The following GALNT18 variants were observed in gnomAD, a reference collection of about 807,000 sequenced individuals.
The protein encoded by GALNT18 is GalNAc-transferase 18.
GALNT18 carries 44 observed loss-of-function variants against 69.5 expected under a neutral mutation model. The ratio of observed to expected loss-of-function variants is 0.63; its 90% CI spans 0.50 to 0.81. The LOEUF (loss-of-function observed/expected upper bound fraction) is 0.81, where lower values mean the gene tolerates loss of function less well. GALNT18 is among the 40% of genes least tolerant of loss of function. The pLI is 0.00. For missense variants in GALNT18, 715 were observed against 810.0 expected (o/e 0.88, Z 1.42); for synonymous variants, 364 against 318.2 (o/e 1.14, Z -1.53).
Position 11,619,861 on chromosome 11 carries a change from TGAA to T in GALNT18, c.235+1495_235+1497del, listed in dbSNP as rs1860143843. 1.3e-5 allele frequency among the ~76,000 whole-genome samples: 2 copies of T among 152,206 alleles called. No individual in the cohort carries two copies. The highest frequency in any genetic ancestry group is 2.4e-5 in the African/African-American group (1 of 41,456). Reference sequence around the variant, plus strand: ...CCAGGTTGAGAGGCAGAGGCAGGTCTGAAGAAGAAGCTGTCAATGTCCCTCTTT... The same window carrying T: ...CCAGGTTGAGAGGCAGAGGCAGGTCTGAAGAAGCTGTCAATGTCCCTCTTT... On this transcript the variant is annotated intron_variant, in intron 1 of 10. Coordinates refer to ENST00000227756, the MANE Select transcript of GALNT18 (RefSeq NM_198516.3). The surrounding 1 kb of genome is among the most constrained non-coding windows in gnomAD (Gnocchi z 4.9).
intron 1 of GALNT18, among the ~76,000 whole-genome samples, chr11:11,466,685 T>C (rs1054800858): frequency 3.3e-5 from 5 of 152,202 alleles, no homozygotes; most frequent in African/African-American, 9.7e-5. Context: ...CTTTGAACCA[T>C]GAAAGCTAAT....
Position 11,395,715 on chromosome 11 carries a change from G to A in GALNT18, c.596-16451C>T, listed in dbSNP as rs563096153. Among the ~76,000 whole-genome samples, 11 of 152,182 alleles carry A rather than the reference G, an allele frequency of 7.2e-5. No homozygotes were observed. The East Asian group carries it at 1.7e-3, about 24-fold the overall frequency. On this transcript the variant is annotated intron_variant, in intron 3 of 10. Transcript: ENST00000227756. ...GCAAAGAAAAGAGAGAAGGAAGGAGGCCCATTGGGAGAAAGACCAGCAGGA... is the reference window on the plus strand; with the variant it reads ...GCAAAGAAAAGAGAGAAGGAAGGAGACCCATTGGGAGAAAGACCAGCAGGA...
Position 11,621,614 on chromosome 11 carries a change from T to G in GALNT18, c.-21A>C. 6.5e-7 allele frequency: 1 copy of G among 1,540,910 alleles called. No individual in the cohort carries two copies. Among genetic ancestry groups the G allele is most frequent in the Admixed American group, 1.9e-5 (1 of 51,890 alleles). ...ACCATTCTGGGCTCCTTCCTCCATA[T>G]AGAGCTCCCGGGGGCCCTTCCTTGT... On this transcript the variant is annotated 5_prime_UTR_variant, in exon 1 of 11. Coordinates refer to ENST00000227756, the MANE Select transcript of GALNT18 (RefSeq NM_198516.3). The surrounding 1 kb of genome is among the most constrained non-coding windows in gnomAD (Gnocchi z 9.3).
chr11:11,494,060 T>C lies in GALNT18; in HGVS notation c.236-45124A>G, dbSNP rs1856825617. Among the ~76,000 whole-genome samples the C allele has an allele frequency of 6.6e-6, 1 of 152,152 alleles. No individual in the cohort carries two copies. The highest frequency in any genetic ancestry group is 2.4e-5 in the African/African-American group (1 of 41,422). ...ATGGGATTGTAAAAGTAGCTCAGAG[T>C]GCTGCTGCAAGGATTTAGTGAAGCC... On this transcript the variant is annotated intron_variant, in intron 1 of 10. Transcript: ENST00000227756. This position sits in a 1 kb window ranked among gnomAD's most constrained non-coding sequence, Gnocchi z 5.7.
chr11:11,550,355 TC>T (rs1469095501), intron 1 of GALNT18, among the ~76,000 whole-genome samples: 1 of 152,134 alleles, frequency 6.6e-6, no homozygotes, highest in Non-Finnish European at 1.5e-5. Flanking sequence ...CTCAAGGCAG[TC>T]CCATTCCCAC....
chr11:11,321,335 G>A (rs1590035944), intron 9 of GALNT18, among the ~76,000 whole-genome samples: 1 of 152,186 alleles, frequency 6.6e-6, no homozygotes, highest in Non-Finnish European at 1.5e-5. Context: ...CTGGAATGAT[G>A]GGTTTGAACT....
At chr11:11,537,779 C>G (rs1330411521) in intron 1 of GALNT18, among the ~76,000 whole-genome samples, 1 of 152,142 alleles carries the variant, frequency 6.6e-6, no homozygotes, top group African/African-American at 2.4e-5. Flanking sequence ...GGAGCATAAC[C>G]CAAAACCCTG....
intron 1 of GALNT18, among the ~76,000 whole-genome samples, chr11:11,571,469 C>G (rs1858792216): frequency 6.6e-6 from 1 of 152,180 alleles, no homozygotes; most frequent in Non-Finnish European, 1.5e-5. Flanking sequence ...CAGAAGCCCC[C>G]CAAGGCTCTA....
At position 11,413,148 on chromosome 11, in the gene GALNT18, A is replaced by G. The variant is rs1229237870; in HGVS notation, c.595+19473T>C. 6.6e-6 allele frequency among the ~76,000 whole-genome samples: 1 copy of G among 152,204 alleles called. No homozygotes were observed. The highest frequency in any genetic ancestry group is 2.4e-5 in the African/African-American group (1 of 41,464). ...TTCCTGAATAAACTGCATGCAGTTG[A>G]ATCTGTGTCTCAGAGTCTGCTTCTG... is the stretch of plus-strand genomic sequence containing the variant. On this transcript the variant is annotated intron_variant, in intron 3 of 10. Transcript: ENST00000227756. This position sits in a 1 kb window ranked among gnomAD's most constrained non-coding sequence, Gnocchi z 4.7.
rs559593468 is a variant in GALNT18, at chr11:11,601,981, G to A, written c.235+19378C>T. ...ACTCTGTTTGTTTTGTTGCTATTATGGAGCTACTAACCTCCTCTTAAATGC... is the reference window on the plus strand; with the variant it reads ...ACTCTGTTTGTTTTGTTGCTATTATAGAGCTACTAACCTCCTCTTAAATGC... On this transcript the variant is annotated intron_variant, in intron 1 of 10. Coordinates refer to ENST00000227756, the MANE Select transcript of GALNT18 (RefSeq NM_198516.3). The surrounding 1 kb of genome is among the most constrained non-coding windows in gnomAD (Gnocchi z 4.0). 6.6e-6 allele frequency among the ~76,000 whole-genome samples: 1 copy of A among 152,212 alleles called. No homozygotes were observed. Among genetic ancestry groups the A allele is most frequent in the East Asian group, 1.9e-4 (1 of 5,162 alleles).
intron 6 of GALNT18, among the ~76,000 whole-genome samples, chr11:11,355,871 A>G (rs549194670): frequency 6.6e-6 from 1 of 152,330 alleles, no homozygotes; most frequent in East Asian, 1.9e-4. Context: ...ACAGACAGAA[A>G]GAGAGAGAGG....
In GALNT18 at chr11:11,615,436, C is replaced by T. The variant is rs890423886; in HGVS notation, c.235+5923G>A. ...CTCCATTGTTGGGATGATCTTGACT[C>T]AATGAAGTAAGATAACGGATTTAGA... On this transcript the variant is annotated intron_variant, in intron 1 of 10. Coordinates refer to ENST00000227756, the MANE Select transcript of GALNT18 (RefSeq NM_198516.3). Among the ~76,000 whole-genome samples, 3 of 152,052 alleles carry T rather than the reference C, an allele frequency of 2.0e-5. No individual in the cohort carries two copies. In the South Asian group the frequency reaches 6.2e-4, roughly 32 times the overall value.
rs145271832 is a variant in GALNT18 at position 11,516,558 on chromosome 11, G to C, written c.236-67622C>G. On this transcript the variant is annotated intron_variant, in intron 1 of 10. Coordinates refer to ENST00000227756, the MANE Select transcript of GALNT18 (RefSeq NM_198516.3). ...AGGCAGAAGAATCACTTGAACCTGGGAGGCAGAGGTTGCAGTGAGCCCAGA... is the reference window on the plus strand; with the variant it reads ...AGGCAGAAGAATCACTTGAACCTGGCAGGCAGAGGTTGCAGTGAGCCCAGA... 5.5e-4 allele frequency among the ~76,000 whole-genome samples: 84 copies of C among 152,302 alleles called. No homozygotes were observed. In the East Asian group the frequency reaches 0.014, roughly 26 times the overall value.
chr11:11,562,486 T>C lies in GALNT18; in HGVS notation c.235+58873A>G, dbSNP rs1858536232. Among the ~76,000 whole-genome samples, 1 of 152,074 alleles carries C rather than the reference T, an allele frequency of 6.6e-6. No individual in the cohort carries two copies. The highest frequency in any genetic ancestry group is 2.4e-5 in the African/African-American group (1 of 41,382). On this transcript the variant is annotated intron_variant, in intron 1 of 10. Transcript: ENST00000227756. The surrounding 1 kb of genome is among the most constrained non-coding windows in gnomAD (Gnocchi z 4.1). Reference sequence around the variant, plus strand: ...CCAAAATATTGTTTTAGGGGAGACATGATTCAACCCATAATACTCCCCTAG... The same window carrying C: ...CCAAAATATTGTTTTAGGGGAGACACGATTCAACCCATAATACTCCCCTAG...
At chr11:11,508,211 G>A (rs1857103435) in intron 1 of GALNT18, among the ~76,000 whole-genome samples, 2 of 152,048 alleles carry the variant, frequency 1.3e-5, no homozygotes, top group Admixed American at 6.6e-5. Flanking sequence ...GTCTCCTTTG[G>A]TCTGGAACAT....
intron 1 of GALNT18, among the ~76,000 whole-genome samples, chr11:11,550,593 T>C (rs1858164682): frequency 6.6e-6 from 1 of 152,190 alleles, no homozygotes; most frequent in Admixed American, 6.5e-5. Flanking sequence ...GATTCTCAGA[T>C]TACAAGTGCA....
At chr11:11,556,086 A>G (rs532717938) in intron 1 of GALNT18, among the ~76,000 whole-genome samples, 132 of 152,358 alleles carry the variant, frequency 8.7e-4, no homozygotes, top group Non-Finnish European at 1.7e-3. Flanking sequence ...TTCAGGTTTC[A>G]TGGAGGAAAC....
At chr11:11,386,951 G>A (rs1250823480) in intron 3 of GALNT18, among the ~76,000 whole-genome samples, 1 of 152,222 alleles carries the variant, frequency 6.6e-6, no homozygotes, top group African/African-American at 2.4e-5. Context: ...TAGATCTGGG[G>A]TGGGACCAGA....
At chr11:11,307,747 AC>A (rs11308065) in intron 9 of GALNT18, among the ~76,000 whole-genome samples, 96,633 of 151,876 alleles carry the variant, frequency 0.64, 30,864 homozygotes, top group Admixed American at 0.73. Context: ...GGCATCCTTG[AC>A]CCCCCCAAGG....
Sources: gnomAD v4.1 joint callset for allele counts (sites outside exome capture counted in the v4.1 genomes callset) on GRCh38, gnomAD v4.1.1 for gene constraint, Gnocchi (gnomAD v3.1) non-coding constraint, MANE v1.5 for transcripts, NCBI Gene and HGNC (gene_info 2026-07-23, HGNC 2026-07-21) for gene names.